CCDC102B: variants seen among roughly 807,000 people sequenced by gnomAD.
CCDC102B encodes coiled-coil domain containing 102B.
Under a neutral mutation model 57.4 loss-of-function variants are expected in CCDC102B, and 75 were observed. The ratio of observed to expected loss-of-function variants is 1.31; its 90% confidence interval spans 1.08 to 1.58. The LOEUF (loss-of-function observed/expected upper bound fraction) is 1.58. CCDC102B is among the 40% of genes most tolerant of loss of function. The pLI, the probability that CCDC102B is intolerant of heterozygous loss-of-function variation, is 0.00. For synonymous variants in CCDC102B, 206 were observed against 201.9 expected (o/e 1.02, Z -0.17); for missense variants, 636 against 582.6 (o/e 1.09, Z -0.94).
intron 2 of CCDC102B, among the ~76,000 whole-genome samples, chr18:68,744,601 C>T (rs1304144056): frequency 2.6e-5 from 4 of 152,174 alleles, no homozygotes; most frequent in Admixed American, 1.3e-4. Flanking sequence ...TTTAGGTGTT[C>T]GGGTTGACAC....
At chr18:68,779,070 G>A (rs2034920043) in intron 2 of CCDC102B, among the ~76,000 whole-genome samples, 2 of 151,978 alleles carry the variant, frequency 1.3e-5, no homozygotes, top group African/African-American at 4.8e-5. Context: ...CAGAGAACTG[G>A]ACAGCCATCC....
chr18:68,819,789 C>CT (rs1288602156), intron 1 of CCDC102B, among the ~76,000 whole-genome samples: 2 of 151,850 alleles, frequency 1.3e-5, no homozygotes, highest in African/African-American at 2.4e-5. Context: ...GTAAGCTTAC[C>CT]TATCTTCTGG....
intron 1 of CCDC102B, among the ~76,000 whole-genome samples, chr18:68,829,525 A>G (rs2037057609): frequency 6.6e-6 from 1 of 152,072 alleles, no homozygotes; most frequent in African/African-American, 2.4e-5. Context: ...GAAAATAAAT[A>G]GGACAATCTT....
chr18:68,739,511 C>T (rs1275908870), intron 2 of CCDC102B, among the ~76,000 whole-genome samples: 1 of 152,170 alleles, frequency 6.6e-6, no homozygotes, highest in Non-Finnish European at 1.5e-5. Context: ...TTACTTGTGA[C>T]CTCTGAGCCT....
chr18:68,924,574 C>G (rs1261232974), intron 6 of CCDC102B, among the ~76,000 whole-genome samples: 2 of 151,972 alleles, frequency 1.3e-5, no homozygotes, highest in African/African-American at 2.4e-5. Context: ...TAATAAACAC[C>G]CATTTACACC....
intron 6 of CCDC102B, among the ~76,000 whole-genome samples, chr18:69,005,798 A>G (rs2051324716): frequency 6.6e-6 from 1 of 151,492 alleles, no homozygotes; most frequent in South Asian, 2.1e-4. Flanking sequence ...GTATTACTCT[A>G]TTAAAATATG....
downstream of CCDC102B, chr18:69,055,246 C>G (rs2052796666): frequency 4.0e-6 from 3 of 748,332 alleles, no homozygotes; most frequent in Non-Finnish European, 4.9e-6. Flanking sequence ...CTGTTTCTCT[C>G]CCAAACATGG....
chr18:68,913,139 A>G (rs1360326950), intron 6 of CCDC102B, among the ~76,000 whole-genome samples: 1 of 152,146 alleles, frequency 6.6e-6, no homozygotes, highest in Non-Finnish European at 1.5e-5. Context: ...TCATTTGATT[A>G]TGCTTAATTT....
intron 2 of CCDC102B, among the ~76,000 whole-genome samples, chr18:68,733,582 A>G (rs1215408648): frequency 6.7e-6 from 1 of 150,206 alleles, no homozygotes; most frequent in Non-Finnish European, 1.5e-5. Flanking sequence ...GAAAATATAC[A>G]TTTCATAGTG....
intron 6 of CCDC102B, among the ~76,000 whole-genome samples, chr18:68,912,428 C>A (rs964246785): frequency 3.9e-5 from 6 of 152,184 alleles, no homozygotes; most frequent in Non-Finnish European, 5.9e-5. Context: ...GCAACATTAG[C>A]AAATGCAAAT....
At chr18:68,842,481 G>C (rs2037677291) in intron 3 of CCDC102B, among the ~76,000 whole-genome samples, 1 of 152,140 alleles carries the variant, frequency 6.6e-6, no homozygotes, top group Admixed American at 6.6e-5. Flanking sequence ...ATGCCAGTAA[G>C]TCTCTACCAG....
chr18:69,022,478 A>G (rs1445208428), intron 7 of CCDC102B, among the ~76,000 whole-genome samples: 1 of 152,042 alleles, frequency 6.6e-6, no homozygotes, highest in African/African-American at 2.4e-5. Flanking sequence ...TATGGAAGCT[A>G]CATAGACCTC....
chr18:68,952,104 T>A (rs567208516), intron 6 of CCDC102B, among the ~76,000 whole-genome samples: 187 of 152,288 alleles, frequency 1.2e-3, no homozygotes, highest in Admixed American at 2.6e-3. Flanking sequence ...TAAATGCAAA[T>A]GCACCAATGG....
At chr18:68,931,457 A>G (rs965288054) in intron 6 of CCDC102B, among the ~76,000 whole-genome samples, 21 of 151,820 alleles carry the variant, frequency 1.4e-4, no homozygotes, top group African/African-American at 5.1e-4. Context: ...CATTCTCAAC[A>G]TGGGCCATAT....
At chr18:68,811,079 T>C (rs1256746644) in intron 1 of CCDC102B, among the ~76,000 whole-genome samples, 1 of 152,204 alleles carries the variant, frequency 6.6e-6, no homozygotes, top group Non-Finnish European at 1.5e-5. Flanking sequence ...GTGCCACATT[T>C]TCTTTATCCA....
At chr18:68,799,324 A>G (rs933027945) in intron 1 of CCDC102B, among the ~76,000 whole-genome samples, 6 of 152,090 alleles carry the variant, frequency 3.9e-5, no homozygotes, top group South Asian at 4.1e-4. Flanking sequence ...AAAATATCCT[A>G]TGTTCTTATG....
chr18:68,777,177 C>T (rs1009563394), intron 2 of CCDC102B, among the ~76,000 whole-genome samples: 1 of 152,116 alleles, frequency 6.6e-6, no homozygotes, highest in African/African-American at 2.4e-5. Context: ...CTTGTGTTTC[C>T]ATGTTTTAAA....
At chr18:68,924,526 A>T (rs2041409801) in intron 6 of CCDC102B, among the ~76,000 whole-genome samples, 2 of 152,102 alleles carry the variant, frequency 1.3e-5, no homozygotes, top group Non-Finnish European at 2.9e-5. Flanking sequence ...TAAATTACCC[A>T]GTCTCAGGCA....
chr18:68,787,038 G>C (rs1221268525), intron 2 of CCDC102B, among the ~76,000 whole-genome samples: 1 of 150,996 alleles, frequency 6.6e-6, no homozygotes, highest in Non-Finnish European at 1.5e-5. Context: ...TTAGCATGAA[G>C]GGTTGTTGAA....
Sources: allele counts gnomAD v4.1 joint callset (sites outside exome capture counted in the v4.1 genomes callset), GRCh38; gene constraint gnomAD v4.1.1; transcripts MANE v1.5; gene names NCBI Gene and HGNC (gene_info 2026-07-23, HGNC 2026-07-21).